TPO: variants seen among roughly 807,000 people sequenced by gnomAD.
TPO encodes thyroid microsomal antigen.
TPO carries 78 observed loss-of-function variants against 96.9 expected under a neutral mutation model. The observed-to-expected ratio is 0.81, with a 90% CI of 0.67 to 0.97. TPO has a LOEUF of 0.97. TPO is among the 50% of genes least tolerant of loss of function. The pLI, the probability that TPO is intolerant of heterozygous loss-of-function variation, is 0.00. For missense variants in TPO, 1,252 were observed against 1,274.8 expected (o/e 0.98, Z 0.27); for synonymous variants, 547 against 538.0 (o/e 1.02, Z -0.23).
intron 10 of TPO, among the ~76,000 whole-genome samples, chr2:1,489,193 T>A (rs77260836): frequency 0.052 from 7,365 of 142,060 alleles, 244 homozygotes; most frequent in Middle Eastern, 0.14. Context: ...CACATACCCA[T>A]CACATGCCCA....
At chr2:1,431,639 G>A (rs1451442685) in intron 3 of TPO, among the ~76,000 whole-genome samples, 3 of 152,112 alleles carry the variant, frequency 2.0e-5, no homozygotes, top group African/African-American at 7.2e-5. Context: ...TGTGGTGAGA[G>A]CACTTAAAAT....
In TPO at chr2:1,496,703, A is replaced by G. The variant is rs1334483138; in HGVS notation, c.2324A>G (p.Gln775Arg). Residue 775 changes from glutamine to arginine, a missense_variant, in exon 13 of 17, where the codon CAA (glutamine) becomes CGA (arginine). Gln to Arg is a conservative substitution (Grantham distance 43, BLOSUM62 1). Coordinates refer to ENST00000329066, the MANE Select transcript of TPO (RefSeq NM_001206744.2). ...VYSCRHGYELQGREQLTCTQE... is the reference protein window; with the variant it reads ...VYSCRHGYELRGREQLTCTQE... The stretch of plus-strand genomic sequence containing the variant: ...TCCTGCCGGCACGGGTATGAGCTCC[A>G]AGGCCGGGAGCAGCTCACTTGCACC... 1 of 1,614,000 alleles carries G rather than the reference A, an allele frequency of 6.2e-7. No homozygotes were observed. Among genetic ancestry groups the G allele is most frequent in the African/African-American group, 1.3e-5 (1 of 74,920 alleles).
chr2:1,516,322 T>A (rs1389413069), intron 14 of TPO, among the ~76,000 whole-genome samples: 1 of 152,160 alleles, frequency 6.6e-6, no homozygotes, highest in Non-Finnish European at 1.5e-5. Flanking sequence ...AGCTCCAAAA[T>A]CTGCTGCCAT....
In TPO at chr2:1,504,095, T is replaced by A; in HGVS notation, c.2518+16T>A. On this transcript the variant is annotated intron_variant, in intron 14 of 16. Transcript: ENST00000329066. Reference sequence around the variant, plus strand: ...ACCTGCGTAGGTGAGGCTGTTCCCCTCTCTCTCTGTCCGTCCATTTGCGAG... The same window carrying A: ...ACCTGCGTAGGTGAGGCTGTTCCCCACTCTCTCTGTCCGTCCATTTGCGAG... The A allele has an allele frequency of 6.2e-7, 1 of 1,613,442 alleles. No individual in the cohort carries two copies. The highest frequency in any genetic ancestry group is 1.3e-5 in the African/African-American group (1 of 75,036).
chr2:1,536,885 G>A (rs1679796269), intron 15 of TPO, among the ~76,000 whole-genome samples: 1 of 112,836 alleles, frequency 8.9e-6, no homozygotes, highest in Non-Finnish European at 1.7e-5. Context: ...CCACCACTCT[G>A]TGCAACCTCC....
intron 14 of TPO, among the ~76,000 whole-genome samples, chr2:1,514,481 C>T (rs764891420): frequency 1.3e-5 from 2 of 152,226 alleles, no homozygotes; most frequent in Admixed American, 6.5e-5. Flanking sequence ...AACCCGATGC[C>T]GTTTCTTTCC....
At chr2:1,457,711 A>G (rs1667967815) in intron 7 of TPO, among the ~76,000 whole-genome samples, 1 of 151,982 alleles carries the variant, frequency 6.6e-6, no homozygotes, top group Non-Finnish European at 1.5e-5. Context: ...CATAGCATGT[A>G]TGATACTGTG....
chr2:1,508,415 G>A (rs1673710922), intron 14 of TPO, among the ~76,000 whole-genome samples: 1 of 152,180 alleles, frequency 6.6e-6, no homozygotes, highest in African/African-American at 2.4e-5. Context: ...GAGTTAGGGA[G>A]GATTCCCGCT....
chr2:1,477,337 G>A lies in TPO; in HGVS notation c.1071G>A (p.Arg357=), dbSNP rs1167303227. 1 of 1,558,928 alleles carries A rather than the reference G, an allele frequency of 6.4e-7. No individual in the cohort carries two copies. The highest frequency in any genetic ancestry group is 1.9e-5 in the Admixed American group (1 of 51,908). ...TGCTCCGCGTCCACGCGCGCCTCCG[G>A]GACTCCGGCCGCGCCTACCTGCCCT... ...EGLLRVHARL[R]DSGRAYLPFV... The change falls in exon 8 of 17, where the codon CGG becomes CGA. Residue 357 remains arginine, a synonymous_variant. Transcript: ENST00000329066.
At chr2:1,426,264 A>C (rs1289623194) in intron 3 of TPO, among the ~76,000 whole-genome samples, 40 of 117,358 alleles carry the variant, frequency 3.4e-4, no homozygotes, top group African/African-American at 7.5e-4. Context: ...CATTTCATAT[A>C]CTCAGAAGTC....
intron 7 of TPO, among the ~76,000 whole-genome samples, chr2:1,458,796 A>C (rs1573276899): frequency 6.6e-6 from 1 of 152,204 alleles, no homozygotes; most frequent in East Asian, 1.9e-4. Context: ...CAGAAATGTA[A>C]TTGTTTACAA....
chr2:1,408,967 C>T (rs773877592), upstream of TPO, among the ~76,000 whole-genome samples: 1 of 152,182 alleles, frequency 6.6e-6, no homozygotes, highest in Non-Finnish European at 1.5e-5. Flanking sequence ...TGATATAAGT[C>T]ACCCCCGATG....
intron 2 of TPO, among the ~76,000 whole-genome samples, chr2:1,418,312 A>AG (rs1371575529): frequency 7.3e-5 from 11 of 150,996 alleles, no homozygotes; most frequent in African/African-American, 2.7e-4. Context: ...AGAGAGAGAG[A>AG]AAAAAAGAAA....
intron 5 of TPO, among the ~76,000 whole-genome samples, chr2:1,446,046 C>G (rs1007955363): frequency 2.0e-5 from 3 of 152,156 alleles, no homozygotes; most frequent in Non-Finnish European, 4.4e-5. Flanking sequence ...TGGGGTACGA[C>G]TTATGCAGGG....
In TPO at chr2:1,542,816, C is replaced by T. The variant is rs983437868; in HGVS notation, c.*342C>T. On this transcript the variant is annotated 3_prime_UTR_variant, in exon 17 of 17. Transcript: ENST00000329066. Reference sequence around the variant, plus strand: ...GCATCTCTGATGCCGTGCTCGTCTGCACTCTGCCCCGGCGGTCCCTCCAGC... The same window carrying T: ...GCATCTCTGATGCCGTGCTCGTCTGTACTCTGCCCCGGCGGTCCCTCCAGC... The T allele has an allele frequency of 1.4e-5, 7 of 487,758 alleles. No homozygotes were observed. The highest frequency in any genetic ancestry group is 2.5e-5 in the Non-Finnish European group (7 of 279,398). The allele number at this position is 487,758 out of a possible 1,614,324, so 30.2% of individuals were successfully genotyped here.
At chr2:1,516,823 C>G in intron 14 of TPO, 60 bp from the exon 15 acceptor site, 2 of 1,533,902 alleles carry the variant, frequency 1.3e-6, no homozygotes, top group African/African-American at 2.7e-5. Context: ...TCAGGCAGGA[C>G]AACCTGGCTT....
At chr2:1,499,710 A>G (rs1412767773) in intron 13 of TPO, among the ~76,000 whole-genome samples, 2 of 152,192 alleles carry the variant, frequency 1.3e-5, no homozygotes, top group African/African-American at 2.4e-5. Context: ...GAGACTGTGT[A>G]TATGAAGGTC....
rs1320834068 is a variant in TPO, at chr2:1,528,781, G to C, written c.2618+11799G>C. Among the ~76,000 whole-genome samples, 11 of 60,330 alleles carry C rather than the reference G, an allele frequency of 1.8e-4. 1 individual carries two copies. The East Asian group carries it at 2.2e-3, about 12-fold the overall frequency. The allele number at this position is 60,330 out of a possible 152,430, so 39.6% of individuals were successfully genotyped here. A position where few individuals can be genotyped will look rare whatever the true frequency, so the allele number is the denominator to read the frequency against. On this transcript the variant is annotated intron_variant, in intron 15 of 16. Coordinates refer to ENST00000329066, the MANE Select transcript of TPO (RefSeq NM_001206744.2). The stretch of plus-strand genomic sequence containing the variant: ...TGCAGCCTCCTCAAATCCCCCCACT[G>C]TGTGCAACCTCCTCCAATCCCCCCA...
At chr2:1,414,245 G>A (rs548484670) in intron 1 of TPO, 163 bp from the exon 2 acceptor site, 114 of 689,440 alleles carry the variant, frequency 1.7e-4, no homozygotes, top group Non-Finnish European at 2.4e-4. Context: ...CATGGACGGC[G>A]ACTCTGGTCT....
Sources: allele counts gnomAD v4.1 joint callset (sites outside exome capture counted in the v4.1 genomes callset), GRCh38; gene constraint gnomAD v4.1.1; transcripts MANE v1.5; gene names NCBI Gene and HGNC (gene_info 2026-07-23, HGNC 2026-07-21).